Variants in SYCP1 observed in about 807,000 individuals in gnomAD.
SYCP1 encodes the protein cancer/testis antigen 8.
A neutral mutation model predicts 153.1 loss-of-function variants in SYCP1; 64 were observed. The ratio of observed to expected loss-of-function variants is 0.42; its 90% CI spans 0.34 to 0.51. The LOEUF (loss-of-function observed/expected upper bound fraction) is 0.51. Among genes scored for constraint, SYCP1 ranks in the 20% least tolerant of loss-of-function variants. The pLI, the probability that SYCP1 is intolerant of heterozygous loss-of-function variation, is 0.06. For missense variants in SYCP1, 997 were observed against 1,049.0 expected (o/e 0.95, Z 0.68); for synonymous variants, 384 against 341.8 (o/e 1.12, Z -1.36).
chr1:114,967,350 G>C (rs1185470919), intron 27 of SYCP1, among the ~76,000 whole-genome samples: 1 of 152,140 alleles, frequency 6.6e-6, no homozygotes, highest in Non-Finnish European at 1.5e-5. Context: ...TTATGAATCT[G>C]GGTGCTCTTA....
At chr1:114,943,777 T>C (rs568517772) in intron 23 of SYCP1, among the ~76,000 whole-genome samples, 1 of 151,796 alleles carries the variant, frequency 6.6e-6, no homozygotes, top group Non-Finnish European at 1.5e-5. Flanking sequence ...CCAATTCCTG[T>C]CCCTGCCGTA....
intron 25 of SYCP1, among the ~76,000 whole-genome samples, chr1:114,946,040 T>C (rs1670682892): frequency 6.6e-6 from 1 of 152,096 alleles, no homozygotes. Flanking sequence ...AGAATTATCT[T>C]TTGCTCTTTG....
intron 27 of SYCP1, among the ~76,000 whole-genome samples, chr1:114,962,446 A>G (rs1029940774): frequency 1.2e-4 from 19 of 152,130 alleles, no homozygotes; most frequent in African/African-American, 3.6e-4. Flanking sequence ...TTGTTGCTTT[A>G]AAGTCTGTTT....
rs542488679 is a variant in SYCP1 at position 114,926,289 on chromosome 1, A to G, written c.1812A>G (p.Leu604=). The change falls in exon 22 of 32, where the codon TTA becomes TTG. Residue 604 remains leucine, a synonymous_variant. Coordinates refer to ENST00000369522, the MANE Select transcript of SYCP1 (RefSeq NM_003176.4). ...LDKSEENCNN[L]RKQVENKNKY... ...TCACAATTTTTTAGTGTAACAATTTAAGGAAACAAGTTGAAAATAAAAACA... is the reference window on the plus strand; with the variant it reads ...TCACAATTTTTTAGTGTAACAATTTGAGGAAACAAGTTGAAAATAAAAACA... 2 of 1,527,598 alleles carry G rather than the reference A, an allele frequency of 1.3e-6. No homozygotes were observed. The highest frequency in any genetic ancestry group is 2.1e-5 in the Admixed American group (1 of 48,496). The allele number at this position is 1,527,598 out of a possible 1,614,324, so 94.6% of individuals were successfully genotyped here.
At chr1:114,926,007 C>T (rs768212551) in intron 21 of SYCP1, among the ~76,000 whole-genome samples, 5 of 151,878 alleles carry the variant, frequency 3.3e-5, no homozygotes, top group Non-Finnish European at 7.4e-5. Flanking sequence ...AGTATAGTGG[C>T]TCACACCTGT....
intron 27 of SYCP1, among the ~76,000 whole-genome samples, chr1:114,969,876 T>C (rs958629905): frequency 2.6e-5 from 4 of 152,162 alleles, no homozygotes; most frequent in Non-Finnish European, 5.9e-5. Flanking sequence ...CAGTTCCTCA[T>C]GGCTTCCCTT....
At chr1:114,895,427 T>C (rs1448329195) in intron 15 of SYCP1, 21 bp from the exon 16 acceptor site, 2 of 1,018,544 alleles carry the variant, frequency 2.0e-6, no homozygotes, top group East Asian at 3.3e-5. Flanking sequence ...TTTTAACACA[T>C]TTTTTTTTTG....
intron 27 of SYCP1, among the ~76,000 whole-genome samples, chr1:114,951,684 A>C (rs1049568068): frequency 2.0e-5 from 3 of 152,226 alleles, no homozygotes; most frequent in African/African-American, 7.2e-5. Flanking sequence ...CCATGGTCAC[A>C]TCTTACAAAT....
chr1:114,858,457 C>A (rs1286119458), intron 5 of SYCP1, 90 bp from the exon 6 acceptor site: 1 of 1,092,928 alleles, frequency 9.1e-7, no homozygotes, highest in Non-Finnish European at 1.3e-6. Context: ...TTGGTCTCAA[C>A]TATTAGTATA....
At chr1:114,855,414 T>C in intron 1 of SYCP1, 27 bp from the exon 2 acceptor site, 1 of 1,361,014 alleles carries the variant, frequency 7.3e-7, no homozygotes, top group South Asian at 1.2e-5. Flanking sequence ...AAACTTTCCT[T>C]CCCCTCCCGC....
intron 23 of SYCP1, among the ~76,000 whole-genome samples, chr1:114,941,983 AAAAGGAATACTCAAC>A (rs1177839123): frequency 2.6e-5 from 4 of 152,108 alleles, no homozygotes; most frequent in Admixed American, 6.5e-5. Flanking sequence ...AGCATTTTGG[AAAAGGAATACTCAAC>A]CTCTACTGAG....
intron 30 of SYCP1, 92 bp from the exon 31 acceptor site, chr1:114,994,606 G>T: frequency 2.2e-6 from 2 of 909,024 alleles, no homozygotes; most frequent in Non-Finnish European, 3.1e-6. Flanking sequence ...TCTACTCTTT[G>T]TTCTCCTCAC....
chr1:114,963,868 TA>T (rs1484494367), intron 27 of SYCP1, among the ~76,000 whole-genome samples: 1 of 152,248 alleles, frequency 6.6e-6, no homozygotes, highest in Admixed American at 6.5e-5. Flanking sequence ...GAATGATTTA[TA>T]ATCCTTTGGG....
chr1:114,868,626 G>A (rs1160758078), intron 8 of SYCP1, among the ~76,000 whole-genome samples: 2 of 152,168 alleles, frequency 1.3e-5, no homozygotes, highest in African/African-American at 2.4e-5. Context: ...TAGAGAATTG[G>A]TATAGTTTCT....
At chr1:114,856,076 G>A (rs1035057771) in intron 2 of SYCP1, among the ~76,000 whole-genome samples, 2 of 152,140 alleles carry the variant, frequency 1.3e-5, no homozygotes, top group Non-Finnish European at 1.5e-5. Context: ...TTTCTCAGGT[G>A]AAACAGAGCT....
At chr1:114,955,700 C>T (rs1387711664) in intron 27 of SYCP1, among the ~76,000 whole-genome samples, 1 of 152,142 alleles carries the variant, frequency 6.6e-6, no homozygotes, top group Admixed American at 6.5e-5. Context: ...AAGAGGGAGT[C>T]TCTGAAACCC....
chr1:114,929,049 C>G (rs1669451341), intron 23 of SYCP1, among the ~76,000 whole-genome samples: 1 of 152,106 alleles, frequency 6.6e-6, no homozygotes, highest in Non-Finnish European at 1.5e-5. Context: ...GACAAGAGAG[C>G]TCTCTGGGAT....
At chr1:114,955,032 TATAG>T (rs1189985562) in intron 27 of SYCP1, among the ~76,000 whole-genome samples, 2 of 152,252 alleles carry the variant, frequency 1.3e-5, no homozygotes, top group African/African-American at 4.8e-5. Flanking sequence ...TGATGTTAGC[TATAG>T]ATTTTTTCTA....
rs1412969831 is a variant in SYCP1 at position 114,925,271 on chromosome 1, A to G, written c.1801-1007A>G. ...AAATTTGTATCAGAGGCCACTGCAG[A>G]TCATTAAGCCTGTTGTTTGTTAATG... On this transcript the variant is annotated intron_variant, in intron 21 of 31. Coordinates refer to ENST00000369522, the MANE Select transcript of SYCP1 (RefSeq NM_003176.4). 2.0e-5 allele frequency among the ~76,000 whole-genome samples: 3 copies of G among 152,276 alleles called. No individual in the cohort carries two copies. The East Asian group carries it at 5.8e-4, about 29-fold the overall frequency.
Sources: allele counts gnomAD v4.1 joint callset (sites outside exome capture counted in the v4.1 genomes callset), GRCh38; gene constraint gnomAD v4.1.1; transcripts MANE v1.5; gene names NCBI Gene and HGNC (gene_info 2026-07-23, HGNC 2026-07-21).